FOXP4: variants seen among roughly 807,000 people sequenced by gnomAD.
FOXP4 encodes forkhead box P4, also known as forkhead box protein P4.
Under a neutral mutation model 82.6 loss-of-function variants are expected in FOXP4, and 25 were observed. The observed-to-expected ratio is 0.30, with a 90% CI of 0.22 to 0.42. The LOEUF is 0.42. Among genes scored for constraint, FOXP4 ranks in the 10% least tolerant of loss-of-function variants. The probability of loss-of-function intolerance (pLI) is 1.00; values close to 1 mark genes in which losing one functional copy is unlikely to be tolerated. For missense variants in FOXP4, 785 were observed against 900.9 expected, an observed-to-expected ratio of 0.87 and a Z score of 1.65; for synonymous variants, 415 against 388.2, an observed-to-expected ratio of 1.07 and a Z score of -0.81.
chr6:41,583,458 A>G (rs1018540005), intron 3 of FOXP4, among the ~76,000 whole-genome samples: 1 of 152,188 alleles, frequency 6.6e-6, no homozygotes, highest in Admixed American at 6.5e-5. Flanking sequence ...GCCTAGGACA[A>G]GTCCCTACAC....
intron 3 of FOXP4, among the ~76,000 whole-genome samples, chr6:41,583,630 G>A (rs1765928829): frequency 6.6e-6 from 1 of 152,226 alleles, no homozygotes; most frequent in Admixed American, 6.5e-5. Flanking sequence ...GGGAGTGAGA[G>A]AGGAAATTAG....
chr6:41,591,372 C>A lies in FOXP4; in HGVS notation c.1536+50C>A. Reference sequence around the variant, plus strand: ...TGGGCCCCAGTCACCCTTGGACCTGCCATATCCCATGGAGACCAAGGCTGC... The same window carrying A: ...TGGGCCCCAGTCACCCTTGGACCTGACATATCCCATGGAGACCAAGGCTGC... On this transcript the variant is annotated intron_variant, in intron 13 of 16. Transcript: ENST00000307972. This position sits in a 1 kb window ranked among gnomAD's most constrained non-coding sequence, Gnocchi z 4.2. 6.9e-7 allele frequency: 1 copy of A among 1,443,234 alleles called. No homozygotes were observed. The highest frequency in any genetic ancestry group is 9.5e-7 in the Non-Finnish European group (1 of 1,048,700). 89.4% of individuals were successfully genotyped at this position (1,443,234 alleles called of 1,614,324 possible). A position where few individuals can be genotyped will look rare whatever the true frequency, so the allele number is the denominator to read the frequency against.
At chr6:41,563,472 G>T (rs903348088) in intron 1 of FOXP4, among the ~76,000 whole-genome samples, 35 of 152,292 alleles carry the variant, frequency 2.3e-4, no homozygotes, top group Admixed American at 3.3e-4. Context: ...CTGTCAGTCG[G>T]GTCAGGGAGA....
chr6:41,559,991 G>T (rs535438021), intron 1 of FOXP4, among the ~76,000 whole-genome samples: 1 of 152,138 alleles, frequency 6.6e-6, no homozygotes, highest in Admixed American at 6.5e-5. Flanking sequence ...CTTCTACTCC[G>T]TGCTATTGTA....
intron 2 of FOXP4, among the ~76,000 whole-genome samples, chr6:41,569,596 G>C (rs1284532901): frequency 1.3e-5 from 2 of 152,212 alleles, no homozygotes; most frequent in Non-Finnish European, 2.9e-5. Context: ...TTGGGGGCTG[G>C]TCTGGGTGCG....
At chr6:41,548,159 C>A (rs1037831568) in intron 1 of FOXP4, among the ~76,000 whole-genome samples, 2 of 152,220 alleles carry the variant, frequency 1.3e-5, no homozygotes, top group African/African-American at 2.4e-5. Context: ...CAGCCCCCTC[C>A]CGGCTGGTTT....
At chr6:41,551,105 C>T (rs956577723) in intron 1 of FOXP4, among the ~76,000 whole-genome samples, 2 of 152,228 alleles carry the variant, frequency 1.3e-5, no homozygotes, top group African/African-American at 4.8e-5. Flanking sequence ...ACAGCGGGAA[C>T]CCTCTTTCCT....
chr6:41,571,109 G>A (rs1765174783), intron 2 of FOXP4, among the ~76,000 whole-genome samples: 2 of 152,154 alleles, frequency 1.3e-5, no homozygotes, highest in African/African-American at 4.8e-5. Context: ...CACCAAGAAT[G>A]AGGAAAGTGA....
At chr6:41,585,895 G>A (rs1272057354) in intron 5 of FOXP4, among the ~76,000 whole-genome samples, 4 of 151,610 alleles carry the variant, frequency 2.6e-5, no homozygotes, top group Admixed American at 1.3e-4. Context: ...CTTGTCCTGC[G>A]AATCTCTGAG....
At chr6:41,578,168 G>A in intron 3 of FOXP4, 87 bp downstream of exon 3, 1 of 1,123,426 alleles carries the variant, frequency 8.9e-7, no homozygotes, top group Non-Finnish European at 1.3e-6. Flanking sequence ...TTGGAGAACT[G>A]CTCTTGCCAG....
At position 41,587,109 on chromosome 6, in the gene FOXP4, G is replaced by A. The variant is rs746682054; in HGVS notation, c.611G>A (p.Ser204Asn). 12 of 1,608,910 alleles carry A rather than the reference G, an allele frequency of 7.5e-6. No individual in the cohort carries two copies. In the South Asian group the frequency reaches 1.3e-4, roughly 18 times the overall value. The change falls in exon 6 of 17, where the codon AGC becomes AAC. Residue 204 changes from serine (S) to asparagine (N), a missense_variant. Ser to Asn is a conservative substitution (Grantham distance 46, BLOSUM62 1). This residue lies in a region of FOXP4 where 570 missense variants were observed against 634.0 expected (regional missense o/e 0.90). Transcript: ENST00000307972. ...LLNLQRQGLV[S>N]LQPNQASGPL... is the part of the protein sequence containing the mutation. ...AACCTGCAGAGGCAGGGGCTGGTCA[G>A]CCTGCAGCCCAACCAAGCCTCGGGG...
chr6:41,576,929 T>C (rs913502656), intron 2 of FOXP4, among the ~76,000 whole-genome samples: 1 of 152,084 alleles, frequency 6.6e-6, no homozygotes, highest in Non-Finnish European at 1.5e-5. Flanking sequence ...AGCAGATAAA[T>C]TTTGTGCTGC....
At chr6:41,549,521 C>G (rs1223574228) in intron 1 of FOXP4, among the ~76,000 whole-genome samples, 1 of 152,052 alleles carries the variant, frequency 6.6e-6, no homozygotes, top group African/African-American at 2.4e-5. Flanking sequence ...GGCCCCTACC[C>G]CAAACATACC....
chr6:41,595,283 G>T (rs1266782187), intron 14 of FOXP4, among the ~76,000 whole-genome samples: 2 of 152,248 alleles, frequency 1.3e-5, no homozygotes, highest in Non-Finnish European at 2.9e-5. Context: ...GCCCCAAGTA[G>T]CCCTGGCCAG....
intron 5 of FOXP4, 149 bp downstream of exon 5, chr6:41,585,666 A>T (rs1334888505): frequency 2.9e-6 from 2 of 700,290 alleles, no homozygotes; most frequent in Non-Finnish European, 4.8e-6. Flanking sequence ...TGTGGGGGAA[A>T]TGGGGATGGT....
chr6:41,572,051 C>T (rs914722515), intron 2 of FOXP4, among the ~76,000 whole-genome samples: 20 of 152,152 alleles, frequency 1.3e-4, no homozygotes, highest in African/African-American at 4.1e-4. Context: ...AATCCTTCAG[C>T]GATTTTTCAA....
chr6:41,585,412 C>T lies in FOXP4; in HGVS notation c.424-19C>T. On this transcript the variant is annotated intron_variant, in intron 4 of 16. Transcript: ENST00000307972. ...GATAGCAGTACCCTGCCAGTGGTAACCCTCCTCCACCCCCCCAGCTACAGG... is the reference window on the plus strand; with the variant it reads ...GATAGCAGTACCCTGCCAGTGGTAATCCTCCTCCACCCCCCCAGCTACAGG... 1 of 1,612,354 alleles carries T rather than the reference C, an allele frequency of 6.2e-7. No individual in the cohort carries two copies. Among genetic ancestry groups the T allele is most frequent in the Non-Finnish European group, 8.5e-7 (1 of 1,178,974 alleles).
In FOXP4 at chr6:41,546,482, C is replaced by A. The variant is rs1173955984; in HGVS notation, c.-402C>A. On this transcript the variant is annotated 5_prime_UTR_variant, in exon 1 of 17. Coordinates refer to ENST00000307972, the MANE Select transcript of FOXP4 (RefSeq NM_001012426.2). The stretch of plus-strand genomic sequence containing the variant: ...CGGCCGGCGGCCGGGACGGAGCCCC[C>A]AGCCCGCGAGGAGGGCGCGGCGCAG... 1 of 149,496 alleles carries A rather than the reference C, an allele frequency of 6.7e-6. No homozygotes were observed. The highest frequency in any genetic ancestry group is 2.0e-4 in the East Asian group (1 of 5,114). The allele number at this position is 149,496 out of a possible 1,614,324, so 9.3% of individuals were successfully genotyped here. A position where few individuals can be genotyped will look rare whatever the true frequency, so the allele number is the denominator to read the frequency against.
chr6:41,584,699 TGG>T, intron 3 of FOXP4, 68 bp from the exon 4 acceptor site: 1 of 1,480,584 alleles, frequency 6.8e-7, no homozygotes. Context: ...ACGCTGAGAG[TGG>T]GGCCCTGGGT....
Sources: gnomAD v4.1 joint callset for allele counts (sites outside exome capture counted in the v4.1 genomes callset) on GRCh38, gnomAD v4.1.1 for gene constraint, gnomAD v4.1.1 regional missense constraint, Gnocchi (gnomAD v3.1) non-coding constraint, MANE v1.5 for transcripts, NCBI Gene and HGNC (gene_info 2026-07-23, HGNC 2026-07-21) for gene names.